Variants in BAZ2B observed in about 807,000 individuals in gnomAD.
BAZ2B encodes the protein bromodomain adjacent to zinc finger domain 2B.
In BAZ2B, 91 loss-of-function variants were observed where a neutral mutation model predicts 246.0. The observed-to-expected ratio is 0.37, with a 90% confidence interval of 0.31 to 0.44. The LOEUF (loss-of-function observed/expected upper bound fraction) is 0.44. Among genes scored for constraint, BAZ2B ranks in the 20% least tolerant of loss-of-function variants. The pLI is 1.00. For synonymous variants in BAZ2B, 855 were observed against 860.0 expected (o/e 0.99, Z 0.10); for missense variants, 2,332 against 2,533.7 (o/e 0.92, Z 1.71).
chr2:159,438,216 TAACTTA>T, intron 8 of BAZ2B, 81 bp downstream of exon 8: 1 of 1,219,448 alleles, frequency 8.2e-7, no homozygotes, highest in African/African-American at 1.5e-5. Context: ...AGGTAGAATT[TAACTTA>T]AACTTGTGTA....
chr2:159,596,706 A>G (rs1690802465), intron 1 of BAZ2B, among the ~76,000 whole-genome samples: 1 of 152,142 alleles, frequency 6.6e-6, no homozygotes, highest in Non-Finnish European at 1.5e-5. Context: ...CTGAATCCCC[A>G]AAGTCCACTG....
rs754109368 is a variant in BAZ2B, at chr2:159,530,953, G to A, written c.-3+24870C>T. Among the ~76,000 whole-genome samples the A allele has an allele frequency of 9.8e-4, 148 of 151,478 alleles. 5 individuals are homozygous for A. Among genetic ancestry groups the A allele is most frequent in the Non-Finnish European group, 3.1e-4 (21 of 67,744 alleles). On this transcript the variant is annotated intron_variant, in intron 2 of 36. Coordinates refer to ENST00000392783, the MANE Select transcript of BAZ2B (RefSeq NM_013450.4). ...CCACTGCACTCTAGCCTGGGCAACAGAGACTCCGTCTCAAAACAAACAAAC... is the reference window on the plus strand; with the variant it reads ...CCACTGCACTCTAGCCTGGGCAACAAAGACTCCGTCTCAAAACAAACAAAC...
intron 3 of BAZ2B, among the ~76,000 whole-genome samples, chr2:159,454,390 T>C (rs1347960432): frequency 6.6e-6 from 1 of 152,158 alleles, no homozygotes; most frequent in African/African-American, 2.4e-5. Flanking sequence ...CATTGTACAG[T>C]GTACTTACAC....
intron 8 of BAZ2B, among the ~76,000 whole-genome samples, chr2:159,436,111 C>T (rs1410768823): frequency 1.3e-5 from 2 of 152,006 alleles, no homozygotes; most frequent in Admixed American, 6.6e-5. Context: ...AGTGTGTTTT[C>T]GTTTGTTAGA....
At chr2:159,673,698 G>C in the BAZ2B span, among the ~76,000 whole-genome samples, 11 of 151,776 alleles carry the variant, frequency 7.2e-5, no homozygotes, top group Admixed American at 7.2e-4. Context: ...AGATATCTAT[G>C]AACTGATAAA....
intron 2 of BAZ2B, among the ~76,000 whole-genome samples, chr2:159,515,937 C>T (rs988615446): frequency 6.6e-6 from 1 of 151,958 alleles, no homozygotes; most frequent in Non-Finnish European, 1.5e-5. Context: ...CTTTTTACTA[C>T]ATAAGTTATT....
intron 21 of BAZ2B, 105 bp from the exon 22 acceptor site, chr2:159,386,712 CTTGTA>C: frequency 3.8e-6 from 5 of 1,305,400 alleles, no homozygotes; most frequent in Non-Finnish European, 4.1e-6. Flanking sequence ...TTTTTCCCCT[CTTGTA>C]TTGTACCAGT....
intron 1 of BAZ2B, among the ~76,000 whole-genome samples, chr2:159,612,935 T>C (rs969364640): frequency 2.0e-5 from 3 of 152,150 alleles, no homozygotes; most frequent in Non-Finnish European, 4.4e-5. Flanking sequence ...AGGTTTCCAT[T>C]ACAGTCTTAT....
chr2:159,580,206 G>A (rs972607198), intron 1 of BAZ2B, among the ~76,000 whole-genome samples: 2 of 152,164 alleles, frequency 1.3e-5, no homozygotes, highest in Admixed American at 6.5e-5. Flanking sequence ...AAGCTGATAA[G>A]CAACTTCAGT....
intron 1 of BAZ2B, among the ~76,000 whole-genome samples, chr2:159,570,477 G>A (rs1018420264): frequency 7.9e-5 from 12 of 152,106 alleles, no homozygotes; most frequent in African/African-American, 1.9e-4. Flanking sequence ...CACTGCGCCC[G>A]GCCTCCTTAC....
the BAZ2B span, among the ~76,000 whole-genome samples, chr2:159,633,332 T>C: frequency 6.6e-6 from 1 of 152,178 alleles, no homozygotes; most frequent in Non-Finnish European, 1.5e-5. Context: ...CTAATATAAA[T>C]ATTCAAAATA....
the BAZ2B span, among the ~76,000 whole-genome samples, chr2:159,692,293 T>C: frequency 6.6e-6 from 1 of 151,826 alleles, no homozygotes; most frequent in African/African-American, 2.4e-5. Flanking sequence ...TAGCTGGGAG[T>C]ACAGGCACGC....
At chr2:159,474,360 T>C (rs1390365911) in intron 3 of BAZ2B, among the ~76,000 whole-genome samples, 2 of 152,218 alleles carry the variant, frequency 1.3e-5, no homozygotes, top group Non-Finnish European at 2.9e-5. Flanking sequence ...GTCTGTTTTA[T>C]CAGAGAGCAG....
At chr2:159,689,347 G>C in the BAZ2B span, 1 of 328,666 alleles carries the variant, frequency 3.0e-6, no homozygotes, top group Non-Finnish European at 5.6e-6. Context: ...ATTCAAACTT[G>C]GGCTTCTTCA....
chr2:159,704,436 T>C, the BAZ2B span, among the ~76,000 whole-genome samples: 11 of 148,686 alleles, frequency 7.4e-5, no homozygotes, highest in East Asian at 2.0e-3. Flanking sequence ...AGAGTTACCA[T>C]TTCCTTCCTT....
intron 1 of BAZ2B, among the ~76,000 whole-genome samples, chr2:159,565,987 G>A (rs1682466615): frequency 6.6e-6 from 1 of 152,086 alleles, no homozygotes; most frequent in Admixed American, 6.6e-5. Context: ...AGGCTGCCAT[G>A]TTAAAAATAT....
rs2062542309 is a variant in BAZ2B, at chr2:159,320,207, A to G, written c.*58T>C. The G allele has an allele frequency of 7.1e-7, 1 of 1,399,386 alleles. No homozygotes were observed. Among genetic ancestry groups the G allele is most frequent in the Non-Finnish European group, 9.4e-7 (1 of 1,062,260 alleles). 86.7% of individuals were successfully genotyped at this position (1,399,386 alleles called of 1,614,324 possible). A position where few individuals can be genotyped will look rare whatever the true frequency, so the allele number is the denominator to read the frequency against. ...GCACGTTTATGTAAATACAGTTCAC[A>G]TTGCTGGTCTCATTTGTCCTTGTTT... is the stretch of plus-strand genomic sequence containing the variant. On this transcript the variant is annotated 3_prime_UTR_variant, in exon 37 of 37. Coordinates refer to ENST00000392783, the MANE Select transcript of BAZ2B (RefSeq NM_013450.4).
chr2:159,638,573 G>A, the BAZ2B span, among the ~76,000 whole-genome samples: 1 of 152,106 alleles, frequency 6.6e-6, no homozygotes, highest in African/African-American at 2.4e-5. Flanking sequence ...AAAGAATCAA[G>A]CAGAAATTCT....
chr2:159,660,503 A>G, the BAZ2B span, among the ~76,000 whole-genome samples: 1 of 152,174 alleles, frequency 6.6e-6, no homozygotes, highest in Non-Finnish European at 1.5e-5. Flanking sequence ...TTTAATGGTA[A>G]CTCTATGTTT....
Sources: allele counts gnomAD v4.1 joint callset (sites outside exome capture counted in the v4.1 genomes callset), GRCh38; gene constraint gnomAD v4.1.1; transcripts MANE v1.5; gene names NCBI Gene and HGNC (gene_info 2026-07-23, HGNC 2026-07-21).